FECH: variants seen among roughly 807,000 people sequenced by gnomAD.
FECH encodes the protein ferrochelatase, also known as ferrochelatase, mitochondrial.
In FECH, 40 loss-of-function variants were observed where a neutral mutation model predicts 56.9. That is an observed-to-expected ratio of 0.70 (90% CI 0.55 to 0.92). The LOEUF (loss-of-function observed/expected upper bound fraction) is 0.92, where lower values mean the gene tolerates loss of function less well. Among genes scored for constraint, FECH ranks in the 40% least tolerant of loss-of-function variants. The probability of loss-of-function intolerance (pLI) is 0.00; values close to 1 mark genes in which losing one functional copy is unlikely to be tolerated. For missense variants in FECH, 431 were observed against 529.1 expected (o/e 0.81, Z 1.82); for synonymous variants, 175 against 198.6 (o/e 0.88, Z 1.00).
chr18:57,570,939 G>T (rs1358250581), intron 4 of FECH, among the ~76,000 whole-genome samples: 2 of 152,188 alleles, frequency 1.3e-5, no homozygotes, highest in Non-Finnish European at 2.9e-5. Flanking sequence ...ACTGCGAGTT[G>T]CTTACTGTCC....
At chr18:57,567,785 C>T (rs1212515686) in intron 4 of FECH, 1 of 152,258 alleles carries the variant, frequency 6.6e-6, no homozygotes, top group Non-Finnish European at 1.5e-5. Flanking sequence ...CAGGGGAACA[C>T]ATTCCCAAGG....
At chr18:57,568,030 T>G (rs2051041484) in intron 4 of FECH, among the ~76,000 whole-genome samples, 1 of 152,234 alleles carries the variant, frequency 6.6e-6, no homozygotes, top group Admixed American at 6.5e-5. Context: ...AATGACTGAT[T>G]GTTCAAAGAT....
intron 7 of FECH, among the ~76,000 whole-genome samples, chr18:57,556,910 C>CAAAA (rs57650194): frequency 2.3e-5 from 1 of 44,370 alleles, no homozygotes; most frequent in Non-Finnish European, 4.0e-5. Flanking sequence ...GACCCTGTCT[C>CAAAA]AAAAAAAAAA....
intron 5 of FECH, among the ~76,000 whole-genome samples, chr18:57,565,016 C>T (rs972597131): frequency 5.3e-5 from 8 of 152,198 alleles, no homozygotes; most frequent in East Asian, 1.9e-4. Flanking sequence ...CTTGGATAGA[C>T]GGATGTACCT....
chr18:57,573,074 C>A, intron 3 of FECH, 172 bp downstream of exon 3: 1 of 701,380 alleles, frequency 1.4e-6, no homozygotes. Context: ...TGCTCTCTCC[C>A]CCTGCAATTT....
chr18:57,574,225 G>A lies in FECH; in HGVS notation c.195-860C>T, dbSNP rs140386624. Among the ~76,000 whole-genome samples, 235 of 152,140 alleles carry A rather than the reference G, an allele frequency of 1.5e-3. 2 individuals are homozygous for A. Among genetic ancestry groups the A allele is most frequent in the African/African-American group, 5.3e-3 (219 of 41,500 alleles). On this transcript the variant is annotated intron_variant, in intron 2 of 10. Transcript: ENST00000262093. ...GCCAGGCTGGTCTCAAAATCCTGAC[G>A]TCAGGAGCCTGCCTCGGCCTCCCAA...
At chr18:57,557,573 G>A (rs998473181) in intron 7 of FECH, among the ~76,000 whole-genome samples, 2 of 152,340 alleles carry the variant, frequency 1.3e-5, no homozygotes, top group African/African-American at 2.4e-5. Flanking sequence ...GGAGGCCAAG[G>A]TGAGTGGCTC....
intron 2 of FECH, among the ~76,000 whole-genome samples, chr18:57,579,313 G>GTGTGTGTGTA (rs531089366): frequency 0.14 from 19,790 of 142,964 alleles, 1,566 homozygotes; most frequent in Non-Finnish European, 0.17. Context: ...GTGTGTGTGT[G>GTGTGTGTGTA]TATATATTCA....
rs1360424016 is a variant in FECH, at chr18:57,549,446, C to T, written c.*1266G>A. Reference sequence around the variant, plus strand: ...GGCTAAAAAAAAAAAAAAAAAGAAACGCTCTTTTGAAGAACAAAGTTTCAG... The same window carrying T: ...GGCTAAAAAAAAAAAAAAAAAGAAATGCTCTTTTGAAGAACAAAGTTTCAG... On this transcript the variant is annotated 3_prime_UTR_variant, in exon 11 of 11. Coordinates refer to ENST00000262093, the MANE Select transcript of FECH (RefSeq NM_000140.5). 4.0e-5 allele frequency: 5 copies of T among 125,852 alleles called. No individual in the cohort carries two copies. Among genetic ancestry groups the T allele is most frequent in the East Asian group, 2.5e-4 (1 of 4,004 alleles). 7.8% of individuals were successfully genotyped at this position (125,852 alleles called of 1,614,324 possible).
rs768502841 is a variant in FECH at position 57,571,485 on chromosome 18, G to T, written c.370C>A (p.Arg124Ser). The T allele has an allele frequency of 6.2e-7, 1 of 1,613,902 alleles. No individual in the cohort carries two copies. Among genetic ancestry groups the T allele is most frequent in the South Asian group, 1.1e-5 (1 of 91,058 alleles). The stretch of plus-strand genomic sequence containing the variant: ...ATGGGGGATCCGCCTCCAATCCTGC[G>T]GTACTGCTCTTGAATCTTGGGGGTT... Reference protein sequence around the residue: ...RRTPKIQEQYRRIGGGSPIKI... With the variant: ...RRTPKIQEQYSRIGGGSPIKI... The change falls in exon 4 of 11, where the codon CGC (arginine) becomes AGC (serine). Residue 124 changes from arginine to serine, a missense_variant. Transcript: ENST00000262093.
At chr18:57,577,261 T>A (rs1036152507) in intron 2 of FECH, among the ~76,000 whole-genome samples, 1 of 152,170 alleles carries the variant, frequency 6.6e-6, no homozygotes, top group African/African-American at 2.4e-5. Flanking sequence ...CTACTGCCTG[T>A]TTTTGTAAAT....
Position 57,548,952 on chromosome 18 carries a change from G to A in FECH, c.*1760C>T, listed in dbSNP as rs1053483396. 1 of 152,112 alleles carries A rather than the reference G, an allele frequency of 6.6e-6. No individual in the cohort carries two copies. Among genetic ancestry groups the A allele is most frequent in the Non-Finnish European group, 1.5e-5 (1 of 68,016 alleles). The allele number at this position is 152,112 out of a possible 1,614,324, so 9.4% of individuals were successfully genotyped here. On this transcript the variant is annotated 3_prime_UTR_variant, in exon 11 of 11. Transcript: ENST00000262093. ...CAGGCCCTTGGGAAATATCCTTAAG[G>A]GGAGAGAGTGGCTCCAAAAATAACC...
At chr18:57,561,219 T>C (rs1226685502) in intron 6 of FECH, among the ~76,000 whole-genome samples, 1 of 152,188 alleles carries the variant, frequency 6.6e-6, no homozygotes, top group African/African-American at 2.4e-5. Context: ...AAATGGCTAT[T>C]TGGAGCAATT....
intron 7 of FECH, among the ~76,000 whole-genome samples, chr18:57,555,859 T>G (rs1210349173): frequency 2.0e-5 from 3 of 152,268 alleles, no homozygotes; most frequent in African/African-American, 4.8e-5. Flanking sequence ...TGGGGCGCAG[T>G]GGCTCACGCC....
At chr18:57,551,557 T>G (rs1403960102) in intron 9 of FECH, among the ~76,000 whole-genome samples, 183 bp from the exon 10 acceptor site, 1 of 152,214 alleles carries the variant, frequency 6.6e-6, no homozygotes, top group African/African-American at 2.4e-5. Flanking sequence ...TGTATGTTGA[T>G]TCTGTTATCA....
chr18:57,584,549 G>T (rs904031565), intron 1 of FECH, among the ~76,000 whole-genome samples: 1 of 152,094 alleles, frequency 6.6e-6, no homozygotes, highest in East Asian at 1.9e-4. Flanking sequence ...TTGTGGGCGA[G>T]GCAGAAGAGG....
Position 57,586,662 on chromosome 18 carries a change from C to T in FECH, c.-42G>A, listed in dbSNP as rs1326359127. 4 of 1,483,444 alleles carry T rather than the reference C, an allele frequency of 2.7e-6. 1 individual carries two copies. The South Asian group carries it at 5.0e-5, about 19-fold the overall frequency. 91.9% of individuals were successfully genotyped at this position (1,483,444 alleles called of 1,614,324 possible). On this transcript the variant is annotated 5_prime_UTR_variant, in exon 1 of 11. Transcript: ENST00000262093. ...GCCCGAGTCCGGGCTCCTCCCGCGGCGGCGCGCCCAGGTGTCCGCCCAGCA... is the reference window on the plus strand; with the variant it reads ...GCCCGAGTCCGGGCTCCTCCCGCGGTGGCGCGCCCAGGTGTCCGCCCAGCA...
intron 2 of FECH, among the ~76,000 whole-genome samples, chr18:57,578,836 G>A (rs752590700): frequency 1.3e-5 from 2 of 151,662 alleles, no homozygotes; most frequent in Admixed American, 6.6e-5. Context: ...GCATGCACCT[G>A]TAATCCCAGT....
chr18:57,565,120 A>C (rs749190503), intron 5 of FECH, among the ~76,000 whole-genome samples: 35 of 152,238 alleles, frequency 2.3e-4, no homozygotes, highest in Admixed American at 3.9e-4. Flanking sequence ...AATAAAAACC[A>C]TAGTCAATCT....
Sources: allele counts gnomAD v4.1 joint callset (sites outside exome capture counted in the v4.1 genomes callset), GRCh38; gene constraint gnomAD v4.1.1; transcripts MANE v1.5; gene names NCBI Gene and HGNC (gene_info 2026-07-23, HGNC 2026-07-21).